Variants in RASGEF1A observed in about 807,000 individuals in gnomAD.
The protein encoded by RASGEF1A is ras-GEF domain-containing family member 1A.
RASGEF1A carries 18 observed loss-of-function variants against 56.4 expected under a neutral mutation model. That is an observed-to-expected ratio of 0.32 (90% CI 0.22 to 0.47). RASGEF1A has a LOEUF of 0.47. Ranked by LOEUF, RASGEF1A falls within the 20% of genes least tolerant of loss-of-function variation. The pLI, the probability that RASGEF1A is intolerant of heterozygous loss-of-function variation, is 1.00. For missense variants in RASGEF1A, 422 were observed against 627.1 expected (o/e 0.67, Z 3.49); for synonymous variants, 245 against 242.6 (o/e 1.01, Z -0.09).
At chr10:43,226,917 A>G (rs1588941403) in intron 1 of RASGEF1A, among the ~76,000 whole-genome samples, 1 of 152,196 alleles carries the variant, frequency 6.6e-6, no homozygotes, top group East Asian at 1.9e-4. Context: ...GTCTGTGGGA[A>G]GACAGACACA....
chr10:43,206,312 C>G (rs1251546877), intron 1 of RASGEF1A, among the ~76,000 whole-genome samples, 190 bp from the exon 2 acceptor site: 1 of 152,202 alleles, frequency 6.6e-6, no homozygotes, highest in Non-Finnish European at 1.5e-5. Context: ...CCAGCCGCTG[C>G]ACATCTGATC....
chr10:43,199,528 G>T, intron 7 of RASGEF1A, 148 bp downstream of exon 7: 1 of 683,742 alleles, frequency 1.5e-6, no homozygotes, highest in South Asian at 1.7e-5. Flanking sequence ...GTATGTCGGG[G>T]TTGGGGGACC....
At chr10:43,247,221 C>T (rs1840575217) in intron 1 of RASGEF1A, among the ~76,000 whole-genome samples, 1 of 152,200 alleles carries the variant, frequency 6.6e-6, no homozygotes, top group Admixed American at 6.5e-5. Flanking sequence ...CAAGGAGACA[C>T]TATCTACTGG....
intron 9 of RASGEF1A, 48 bp downstream of exon 9, chr10:43,198,885 G>C (rs765232702): frequency 1.3e-6 from 2 of 1,555,816 alleles, no homozygotes; most frequent in South Asian, 1.1e-5. Flanking sequence ...GGCCATTGCG[G>C]GACGAAATGG....
chr10:43,266,203 G>A (rs907536750), intron 1 of RASGEF1A, among the ~76,000 whole-genome samples: 2 of 152,214 alleles, frequency 1.3e-5, no homozygotes, highest in Admixed American at 6.5e-5. Context: ...ACCGACCCTC[G>A]GACCAGAACC....
chr10:43,197,745 G>A (rs1043912723), intron 10 of RASGEF1A, among the ~76,000 whole-genome samples: 8 of 152,318 alleles, frequency 5.3e-5, no homozygotes, highest in East Asian at 1.9e-4. Context: ...CTGGAACCAC[G>A]GTCCTGGATA....
intron 3 of RASGEF1A, chr10:43,202,642 C>T: frequency 4.3e-6 from 2 of 466,134 alleles, no homozygotes; most frequent in Non-Finnish European, 8.8e-6. Flanking sequence ...CTGGACCCCG[C>T]CCCCGGCCCC....
chr10:43,262,839 G>T (rs1432608957), intron 1 of RASGEF1A, among the ~76,000 whole-genome samples: 1 of 152,224 alleles, frequency 6.6e-6, no homozygotes, highest in Non-Finnish European at 1.5e-5. Flanking sequence ...GTCCTGGCCA[G>T]GGGATGGTGG....
At chr10:43,207,339 T>C in intron 1 of RASGEF1A, 3 of 986,518 alleles carry the variant, frequency 3.0e-6, no homozygotes, top group Non-Finnish European at 3.6e-6. Context: ...GCCTCTGCCC[T>C]GTAGGGGCCT....
chr10:43,265,457 T>C (rs1836606981), intron 1 of RASGEF1A, among the ~76,000 whole-genome samples: 1 of 152,234 alleles, frequency 6.6e-6, no homozygotes, highest in Non-Finnish European at 1.5e-5. Flanking sequence ...CCCGCCTCGC[T>C]GGGTCACTAC....
Position 43,196,831 on chromosome 10 carries a change from C to G in RASGEF1A, c.1348+145G>C. 1 of 1,003,888 alleles carries G rather than the reference C, an allele frequency of 1.0e-6. No homozygotes were observed. The highest frequency in any genetic ancestry group is 1.4e-6 in the Non-Finnish European group (1 of 692,466). The allele number at this position is 1,003,888 out of a possible 1,614,324, so 62.2% of individuals were successfully genotyped here. A position where few individuals can be genotyped will look rare whatever the true frequency, so the allele number is the denominator to read the frequency against. On this transcript the variant is annotated intron_variant, in intron 11 of 12. Coordinates refer to ENST00000395810, the MANE Select transcript of RASGEF1A (RefSeq NM_145313.4). The surrounding 1 kb of genome is among the most constrained non-coding windows in gnomAD (Gnocchi z 4.6). ...ATCCATCCCATGACCCACCCTCATG[C>G]ACACTCGCCCCTGCGAGCAGAGCCA...
In RASGEF1A at chr10:43,196,886, C is replaced by T. The variant is rs999672354; in HGVS notation, c.1348+90G>A. The T allele has an allele frequency of 2.7e-6, 4 of 1,501,250 alleles. No homozygotes were observed. Among genetic ancestry groups the T allele is most frequent in the African/African-American group, 1.4e-5 (1 of 73,018 alleles). 93.0% of individuals were successfully genotyped at this position (1,501,250 alleles called of 1,614,324 possible). On this transcript the variant is annotated intron_variant, in intron 11 of 12. Transcript: ENST00000395810. This position sits in a 1 kb window ranked among gnomAD's most constrained non-coding sequence, Gnocchi z 4.6. ...TGTGTGGCATGGAGCAGCCAGCAGGCCATCTCCCAGGGCAACCCCAAAGAG... is the reference window on the plus strand; with the variant it reads ...TGTGTGGCATGGAGCAGCCAGCAGGTCATCTCCCAGGGCAACCCCAAAGAG...
intron 1 of RASGEF1A, among the ~76,000 whole-genome samples, chr10:43,230,859 T>C (rs561582630): frequency 6.6e-6 from 1 of 152,216 alleles, no homozygotes; most frequent in South Asian, 2.1e-4. Context: ...CGATGGGCAG[T>C]TGTCTCTGTC....
intron 1 of RASGEF1A, among the ~76,000 whole-genome samples, chr10:43,240,334 C>T (rs77712639): frequency 6.6e-6 from 1 of 152,170 alleles, no homozygotes; most frequent in African/African-American, 2.4e-5. Context: ...ACCATTACTA[C>T]AATAAACAGC....
At chr10:43,241,651 A>G (rs2503856) in intron 1 of RASGEF1A, among the ~76,000 whole-genome samples, 115,926 of 151,772 alleles carry the variant, frequency 0.76, 44,433 homozygotes, top group East Asian at 0.96. Flanking sequence ...TGAAGGAATA[A>G]AGGAACAAAA....
At chr10:43,252,297 G>A (rs1237720765) in intron 1 of RASGEF1A, among the ~76,000 whole-genome samples, 1 of 152,206 alleles carries the variant, frequency 6.6e-6, no homozygotes, top group African/African-American at 2.4e-5. Context: ...ACAGAGCAGT[G>A]CACCCCAGAA....
chr10:43,247,696 CAT>C (rs1387446153), intron 1 of RASGEF1A, among the ~76,000 whole-genome samples: 1 of 152,198 alleles, frequency 6.6e-6, no homozygotes, highest in Non-Finnish European at 1.5e-5. Context: ...TAGGCAAATT[CAT>C]AGAGTCATAA....
intron 1 of RASGEF1A, chr10:43,229,505 C>T (rs1840331274): frequency 7.6e-6 from 5 of 660,286 alleles, no homozygotes; most frequent in Admixed American, 3.9e-5. Flanking sequence ...GCACAGAGGG[C>T]GGCGCGCGGG....
intron 1 of RASGEF1A, chr10:43,207,728 T>C (rs1840016474): frequency 1.0e-6 from 1 of 983,968 alleles, no homozygotes; most frequent in Non-Finnish European, 1.2e-6. Flanking sequence ...GAATGCACAT[T>C]CTCAGGCCTA....
Sources: gnomAD v4.1 joint callset for allele counts (sites outside exome capture counted in the v4.1 genomes callset) on GRCh38, gnomAD v4.1.1 for gene constraint, Gnocchi (gnomAD v3.1) non-coding constraint, MANE v1.5 for transcripts, NCBI Gene and HGNC (gene_info 2026-07-23, HGNC 2026-07-21) for gene names.